PUF60: variants seen among roughly 807,000 people sequenced by gnomAD.
PUF60 encodes poly(U)-binding-splicing factor PUF60.
PUF60 carries 10 observed loss-of-function variants against 61.8 expected under a neutral mutation model. The ratio of observed to expected loss-of-function variants is 0.16; its 90% CI spans 0.10 to 0.27. The LOEUF (loss-of-function observed/expected upper bound fraction) is 0.27. PUF60 is among the 10% of genes least tolerant of loss of function. PUF60 has a pLI of 1.00. For missense variants in PUF60, 371 were observed against 754.0 expected, an observed-to-expected ratio of 0.49 and a Z score of 5.95; for synonymous variants, 353 against 300.9, an observed-to-expected ratio of 1.17 and a Z score of -1.79.
In PUF60 at chr8:143,817,766, C is replaced by T; in HGVS notation, c.834G>A (p.Gln278=). 6.2e-7 allele frequency: 1 copy of T among 1,611,500 alleles called. No homozygotes were observed. Among genetic ancestry groups the T allele is most frequent in the Non-Finnish European group, 8.5e-7 (1 of 1,179,348 alleles). ...TGGAAGACACAGCATCTTGGGACGA[C>T]TGGGCCTTCTCGTACTCTGTGGGCA... ...GYGFIEYEKA[Q]SSQDAVSSMN... The change falls in exon 9 of 12, where the codon CAG becomes CAA. Residue 278 remains glutamine (Q), a synonymous_variant. Transcript: ENST00000526683. The surrounding 1 kb of genome is among the most constrained non-coding windows in gnomAD (Gnocchi z 7.4).
chr8:143,829,059 C>A, intron 1 of PUF60: 1 of 1,030,306 alleles, frequency 9.7e-7, no homozygotes, highest in South Asian at 4.5e-5. Flanking sequence ...CGCCCCGCCC[C>A]GCCGGAAGCT....
intron 5 of PUF60, chr8:143,820,362 G>C: frequency 2.1e-6 from 1 of 486,630 alleles, no homozygotes; most frequent in Non-Finnish European, 3.7e-6. Flanking sequence ...CGTGCGTGCA[G>C]GTGGCGTGGG....
chr8:143,829,079 A>C (rs1463103061), intron 1 of PUF60: 1 of 1,075,576 alleles, frequency 9.3e-7, no homozygotes, highest in African/African-American at 1.7e-5. Flanking sequence ...TGGGGTCCGC[A>C]GGCCGGAAGC....
chr8:143,829,040 C>T, intron 1 of PUF60: 1 of 1,006,864 alleles, frequency 9.9e-7, no homozygotes, highest in Non-Finnish European at 1.2e-6. Flanking sequence ...CACGCCGCGC[C>T]CAGGCCCCCG....
intron 2 of PUF60, among the ~76,000 whole-genome samples, chr8:143,822,280 G>A (rs1471372204): frequency 1.3e-5 from 2 of 152,148 alleles, no homozygotes; most frequent in East Asian, 1.9e-4. Context: ...AGCCTCAGCC[G>A]TCCTCCAAGG....
chr8:143,826,155 G>A (rs1817613056), intron 1 of PUF60, among the ~76,000 whole-genome samples: 1 of 152,232 alleles, frequency 6.6e-6, no homozygotes, highest in Admixed American at 6.5e-5. Flanking sequence ...GATGCCCCCA[G>A]CACCAGGCAG....
chr8:143,822,963 C>A (rs1817196199), intron 2 of PUF60: 1 of 190,624 alleles, frequency 5.2e-6, no homozygotes, highest in African/African-American at 2.4e-5. Flanking sequence ...CAGAGGGACA[C>A]AGGAGGCAGG....
rs1183422549 is a variant in PUF60 at position 143,829,032 on chromosome 8, C to A, written c.24+248G>T. 37 of 1,001,846 alleles carry A rather than the reference C, an allele frequency of 3.7e-5. No individual in the cohort carries two copies. In the East Asian group the frequency reaches 4.3e-4, roughly 12 times the overall value. 62.1% of individuals were successfully genotyped at this position (1,001,846 alleles called of 1,614,324 possible). A position where few individuals can be genotyped will look rare whatever the true frequency, so the allele number is the denominator to read the frequency against. ...GCCAGGCTCGCCCGCAAGGGCCACACGCCGCGCCCAGGCCCCCGCCCCGCC... is the reference window on the plus strand; with the variant it reads ...GCCAGGCTCGCCCGCAAGGGCCACAAGCCGCGCCCAGGCCCCCGCCCCGCC... On this transcript the variant is annotated intron_variant, in intron 1 of 11. Transcript: ENST00000526683.
chr8:143,822,475 A>G (rs931765858), intron 2 of PUF60: 43 of 456,414 alleles, frequency 9.4e-5, no homozygotes, highest in Non-Finnish European at 1.8e-4. Context: ...CCCCGCAGGC[A>G]CTGTGCACAC....
rs549408125 is a variant in PUF60 at position 143,820,852 on chromosome 8, G to T, written c.298-136C>A. Reference sequence around the variant, plus strand: ...AGGCCGCCTGCCTTCCCACACTGCCGGCCGCCAGCACCTGCCCAGGGGGGC... The same window carrying T: ...AGGCCGCCTGCCTTCCCACACTGCCTGCCGCCAGCACCTGCCCAGGGGGGC... On this transcript the variant is annotated intron_variant, in intron 4 of 11. Coordinates refer to ENST00000526683, the MANE Select transcript of PUF60 (RefSeq NM_078480.3). 2.2e-4 allele frequency: 189 copies of T among 841,786 alleles called. 1 individual carries two copies. The African/African-American group carries it at 2.9e-3, about 13-fold the overall frequency. The allele number at this position is 841,786 out of a possible 1,614,324, so 52.1% of individuals were successfully genotyped here.
intron 5 of PUF60, among the ~76,000 whole-genome samples, chr8:143,819,466 G>T (rs1816767112): frequency 6.6e-6 from 1 of 152,160 alleles, no homozygotes; most frequent in African/African-American, 2.4e-5. Context: ...GACAGCTGGA[G>T]CCAGGCCCTG....
intron 4 of PUF60, chr8:143,821,371 G>T: frequency 1.7e-6 from 1 of 600,410 alleles, no homozygotes; most frequent in Non-Finnish European, 3.0e-6. Flanking sequence ...AAGCAGCCAA[G>T]AAAGGGGCTG....
At position 143,829,272 on chromosome 8, in the gene PUF60, T is replaced by C. The variant is rs1818028056; in HGVS notation, c.24+8A>G. On this transcript the variant is annotated splice_region_variant and intron_variant, in intron 1 of 11. Coordinates refer to ENST00000526683, the MANE Select transcript of PUF60 (RefSeq NM_078480.3). ...GGGCCGCCCGCGCTCATGGGGGGGC[T>C]CACTTACGAGAGCTATGGTCGCCGT... is the stretch of plus-strand genomic sequence containing the variant. 1.6e-6 allele frequency: 2 copies of C among 1,260,664 alleles called. No individual in the cohort carries two copies. Among genetic ancestry groups the C allele is most frequent in the South Asian group, 2.9e-5 (1 of 34,138 alleles). 78.1% of individuals were successfully genotyped at this position (1,260,664 alleles called of 1,614,324 possible).
intron 2 of PUF60, 69 bp downstream of exon 2, chr8:143,824,244 G>A (rs1031475078): frequency 1.1e-5 from 16 of 1,471,126 alleles, no homozygotes; most frequent in African/African-American, 2.8e-5. Flanking sequence ...GCCCAGGGAC[G>A]CACAGGCAGG....
intron 1 of PUF60, among the ~76,000 whole-genome samples, chr8:143,828,527 G>C (rs1282588910): frequency 2.6e-5 from 4 of 152,224 alleles, no homozygotes; most frequent in Non-Finnish European, 5.9e-5. Context: ...GCACTGAGCA[G>C]AGCAGGGGGC....
At chr8:143,824,945 C>T (rs1817477252) in intron 1 of PUF60, 1 of 158,940 alleles carries the variant, frequency 6.3e-6, no homozygotes, top group Non-Finnish European at 1.4e-5. Flanking sequence ...GGCAACAGAA[C>T]CATCCAGAGC....
At chr8:143,827,597 A>G (rs879345908) in intron 1 of PUF60, 6 of 371,884 alleles carry the variant, frequency 1.6e-5, no homozygotes, top group Admixed American at 1.0e-4. Context: ...GACGGTGGGA[A>G]CAGATAACCC....
intron 1 of PUF60, among the ~76,000 whole-genome samples, chr8:143,825,389 C>G (rs187539028): frequency 1.3e-5 from 2 of 152,340 alleles, no homozygotes; most frequent in Admixed American, 1.3e-4. Context: ...GTGCCTGGAG[C>G]TGCTCCCAAT....
At chr8:143,821,500 G>T in intron 4 of PUF60, 97 bp downstream of exon 4, 2 of 1,137,422 alleles carry the variant, frequency 1.8e-6, no homozygotes, top group Non-Finnish European at 2.5e-6. Flanking sequence ...GTAACAGCTT[G>T]CGGGGACGGC....
Sources: gnomAD v4.1 joint callset for allele counts (sites outside exome capture counted in the v4.1 genomes callset) on GRCh38, gnomAD v4.1.1 for gene constraint, Gnocchi (gnomAD v3.1) non-coding constraint, MANE v1.5 for transcripts, NCBI Gene and HGNC (gene_info 2026-07-23, HGNC 2026-07-21) for gene names.